NCKAP5: variants seen among roughly 807,000 people sequenced by gnomAD.
NCKAP5 encodes the protein NCK associated protein 5, also known as nck-associated protein 5.
NCKAP5 carries 92 observed loss-of-function variants against 167.0 expected under a neutral mutation model. The ratio of observed to expected loss-of-function variants is 0.55; its 90% CI spans 0.47 to 0.66. NCKAP5 has a LOEUF of 0.66. Ranked by LOEUF, NCKAP5 falls within the 30% of genes least tolerant of loss-of-function variation. NCKAP5 has a pLI of 0.00. For synonymous variants in NCKAP5, 891 were observed against 877.4 expected (o/e 1.02, Z -0.27); for missense variants, 2,378 against 2,315.0 (o/e 1.03, Z -0.56).
chr2:133,504,232 G>A (rs1682795130), intron 3 of NCKAP5, among the ~76,000 whole-genome samples: 1 of 74,468 alleles, frequency 1.3e-5, no homozygotes, highest in South Asian at 4.1e-4. Flanking sequence ...AGAAGAAAAG[G>A]CAATCCCTGG....
chr2:133,269,407 A>C (rs368442080), intron 4 of NCKAP5, among the ~76,000 whole-genome samples: 67 of 152,302 alleles, frequency 4.4e-4, no homozygotes, highest in African/African-American at 1.6e-3. Flanking sequence ...TCTCAGTAAA[A>C]ATCTCACTGA....
At chr2:132,943,463 G>A (rs898792082) in intron 8 of NCKAP5, among the ~76,000 whole-genome samples, 2 of 152,238 alleles carry the variant, frequency 1.3e-5, no homozygotes, top group Non-Finnish European at 2.9e-5. Context: ...TCTGTATAGT[G>A]AGGAAGTGTG....
chr2:133,315,133 T>C (rs921574045), intron 3 of NCKAP5, among the ~76,000 whole-genome samples: 2 of 152,126 alleles, frequency 1.3e-5, no homozygotes, highest in African/African-American at 4.8e-5. Context: ...TCAAATGGTA[T>C]CACTTAAGTC....
At chr2:133,292,226 G>C (rs535724232) in intron 4 of NCKAP5, among the ~76,000 whole-genome samples, 1 of 151,732 alleles carries the variant, frequency 6.6e-6, no homozygotes, top group African/African-American at 2.4e-5. Flanking sequence ...GCCCTAACAA[G>C]TTAGTGAATT....
intron 10 of NCKAP5, among the ~76,000 whole-genome samples, chr2:132,867,788 G>A (rs1690476160): frequency 1.3e-5 from 2 of 152,192 alleles, no homozygotes; most frequent in Admixed American, 1.3e-4. Flanking sequence ...CGGTTTATAT[G>A]TGAGAAAGAA....
chr2:133,090,916 A>C (rs2081157498), intron 6 of NCKAP5, among the ~76,000 whole-genome samples: 2 of 151,982 alleles, frequency 1.3e-5, no homozygotes, highest in African/African-American at 4.8e-5. Flanking sequence ...CCCTACCCAA[A>C]TCTCACATTC....
chr2:132,759,301 C>T (rs940638297), intron 16 of NCKAP5, among the ~76,000 whole-genome samples: 1 of 152,126 alleles, frequency 6.6e-6, no homozygotes, highest in Non-Finnish European at 1.5e-5. Context: ...GACAATGTTA[C>T]CACAATCACT....
chr2:132,831,966 C>A (rs1023259367), intron 11 of NCKAP5, among the ~76,000 whole-genome samples: 1 of 152,000 alleles, frequency 6.6e-6, no homozygotes, highest in Non-Finnish European at 1.5e-5. Context: ...ATATCTCTAT[C>A]ATAAACAAAA....
chr2:133,283,693 C>A (rs2090008093), intron 4 of NCKAP5, among the ~76,000 whole-genome samples: 1 of 151,666 alleles, frequency 6.6e-6, no homozygotes, highest in African/African-American at 2.4e-5. Context: ...TCACTGCAAC[C>A]TCCACCTCCC....
intron 19 of NCKAP5, among the ~76,000 whole-genome samples, chr2:132,680,956 T>C (rs1414763016): frequency 6.6e-6 from 1 of 152,210 alleles, no homozygotes; most frequent in Non-Finnish European, 1.5e-5. Flanking sequence ...AAAACGTAGG[T>C]TGACTGCCTT....
At position 132,698,887 on chromosome 2, in the gene NCKAP5, C is replaced by A. The variant is rs931162329; in HGVS notation, c.5714-25582G>T. On this transcript the variant is annotated intron_variant, in intron 19 of 19. Coordinates refer to ENST00000409261, the MANE Select transcript of NCKAP5 (RefSeq NM_207363.3). Reference sequence around the variant, plus strand: ...AAAAAGTGCAAATTGTAAGGCCCTACCCAGATCCAGTGAACCAGAAACTCT... The same window carrying A: ...AAAAAGTGCAAATTGTAAGGCCCTAACCAGATCCAGTGAACCAGAAACTCT... Among the ~76,000 whole-genome samples the A allele has an allele frequency of 3.3e-5, 5 of 152,054 alleles. No individual in the cohort carries two copies. In the East Asian group the frequency reaches 7.7e-4, roughly 23 times the overall value.
At chr2:133,144,313 G>A (rs935628111) in intron 5 of NCKAP5, among the ~76,000 whole-genome samples, 4 of 152,058 alleles carry the variant, frequency 2.6e-5, no homozygotes, top group African/African-American at 7.2e-5. Flanking sequence ...TAATGTGTGT[G>A]GATGTATTCC....
the NCKAP5 span, among the ~76,000 whole-genome samples, chr2:133,594,988 A>G: frequency 3.9e-5 from 6 of 152,210 alleles, no homozygotes; most frequent in African/African-American, 9.6e-5. Flanking sequence ...AAGAGACCAA[A>G]GACTAAAGAA....
intron 5 of NCKAP5, among the ~76,000 whole-genome samples, chr2:133,146,244 A>G (rs1449348531): frequency 3.3e-5 from 5 of 151,990 alleles, no homozygotes; most frequent in Non-Finnish European, 7.4e-5. Context: ...CAACATCTAG[A>G]TAAAATTAAA....
chr2:133,164,656 T>C (rs996466127), intron 5 of NCKAP5, among the ~76,000 whole-genome samples: 27 of 152,206 alleles, frequency 1.8e-4, no homozygotes, highest in Admixed American at 6.5e-5. Context: ...CTTGCCACTT[T>C]CCTTGTGGCT....
At chr2:133,519,932 C>G (rs1265267382) in intron 2 of NCKAP5, among the ~76,000 whole-genome samples, 1 of 152,036 alleles carries the variant, frequency 6.6e-6, no homozygotes, top group East Asian at 1.9e-4. Context: ...TCACACCTGT[C>G]ATCCCAGCAC....
intron 5 of NCKAP5, among the ~76,000 whole-genome samples, chr2:133,171,653 T>C (rs10803536): frequency 0.14 from 21,475 of 152,150 alleles, 1,688 homozygotes; most frequent in East Asian, 0.38. Flanking sequence ...GGAGAAAAGG[T>C]GCTTAGCTTC....
At chr2:132,743,080 A>G (rs1014200258) in intron 16 of NCKAP5, among the ~76,000 whole-genome samples, 3 of 151,990 alleles carry the variant, frequency 2.0e-5, no homozygotes, top group Non-Finnish European at 4.4e-5. Context: ...ACATGCACAC[A>G]CACACACACA....
intron 4 of NCKAP5, among the ~76,000 whole-genome samples, chr2:133,263,223 A>G (rs1267015742): frequency 6.6e-6 from 1 of 152,138 alleles, no homozygotes; most frequent in Non-Finnish European, 1.5e-5. Flanking sequence ...TTTAGGAATG[A>G]AAATAATAAC....
Sources: gnomAD v4.1 joint callset for allele counts (sites outside exome capture counted in the v4.1 genomes callset) on GRCh38, gnomAD v4.1.1 for gene constraint, MANE v1.5 for transcripts, NCBI Gene and HGNC (gene_info 2026-07-23, HGNC 2026-07-21) for gene names.